Variants in SHC3 observed in about 807,000 individuals in gnomAD.
SHC3 encodes SHC adaptor protein 3.
Under a neutral mutation model 60.4 loss-of-function variants are expected in SHC3, and 15 were observed. The ratio of observed to expected loss-of-function variants is 0.25; its 90% confidence interval spans 0.17 to 0.38. The LOEUF (loss-of-function observed/expected upper bound fraction) is 0.38. Ranked by LOEUF, SHC3 falls within the 10% of genes least tolerant of loss-of-function variation. The pLI, the probability that SHC3 is intolerant of heterozygous loss-of-function variation, is 1.00. For missense variants in SHC3, 677 were observed against 786.1 expected (o/e 0.86, Z 1.66); for synonymous variants, 294 against 325.9 (o/e 0.90, Z 1.05).
At chr9:89,083,240 C>A (rs1010348303) in intron 2 of SHC3, among the ~76,000 whole-genome samples, 15 of 152,216 alleles carry the variant, frequency 9.9e-5, no homozygotes, top group African/African-American at 3.6e-4. Context: ...TGCAATTCTA[C>A]CTTTCAGAGG....
intron 2 of SHC3, among the ~76,000 whole-genome samples, chr9:89,100,492 TC>T (rs1199562624): frequency 6.6e-6 from 1 of 152,134 alleles, no homozygotes; most frequent in South Asian, 2.1e-4. Context: ...TGCCTCAGCC[TC>T]CCAAAGTGCT....
At chr9:89,164,673 G>GAAAA (rs34596179) in intron 1 of SHC3, among the ~76,000 whole-genome samples, 1 of 151,918 alleles carries the variant, frequency 6.6e-6, no homozygotes, top group Non-Finnish European at 1.5e-5. Context: ...CACATTTACA[G>GAAAA]AAAAAGGTGA....
At chr9:89,055,678 C>T (rs1298062408) in intron 6 of SHC3, among the ~76,000 whole-genome samples, 2 of 152,208 alleles carry the variant, frequency 1.3e-5, no homozygotes, top group Non-Finnish European at 2.9e-5. Context: ...ACAGAACTGT[C>T]ATGGGCTTCT....
chr9:89,078,386 C>T (rs866422505), intron 2 of SHC3, among the ~76,000 whole-genome samples: 1 of 152,268 alleles, frequency 6.6e-6, no homozygotes, highest in Middle Eastern at 3.4e-3. Context: ...GTTTTATTCC[C>T]AGTTTCTGCG....
At chr9:89,038,340 GA>G in intron 10 of SHC3, 52 bp from the exon 11 acceptor site, 2 of 880,546 alleles carry the variant, frequency 2.3e-6, no homozygotes, top group African/African-American at 2.7e-5. Flanking sequence ...AAGAGCAAAT[GA>G]TAAAAAAAAA....
chr9:89,042,723 A>C (rs1453481264), intron 9 of SHC3, among the ~76,000 whole-genome samples: 1 of 152,168 alleles, frequency 6.6e-6, no homozygotes, highest in East Asian at 1.9e-4. Context: ...GGGTCTGTGA[A>C]GGAAGCCCAG....
intron 4 of SHC3, among the ~76,000 whole-genome samples, chr9:89,073,544 T>C (rs1434106547): frequency 2.0e-5 from 3 of 152,100 alleles, no homozygotes; most frequent in Admixed American, 2.0e-4. Flanking sequence ...CCCTGTGTGC[T>C]TGCCCCCCAC....
intron 2 of SHC3, chr9:89,109,458 A>C (rs1825914733): frequency 1.0e-6 from 1 of 985,356 alleles, no homozygotes; most frequent in African/African-American, 1.7e-5. Context: ...GAGTGAAAGG[A>C]TTGTGTGGTG....
chr9:89,015,869 C>T (rs941582900), intron 11 of SHC3, among the ~76,000 whole-genome samples: 3 of 152,092 alleles, frequency 2.0e-5, no homozygotes, highest in African/African-American at 7.2e-5. Context: ...TCTAGTCAGG[C>T]TACAGAAGAG....
intron 2 of SHC3, chr9:89,109,960 T>G: frequency 1.0e-6 from 1 of 985,466 alleles, no homozygotes; most frequent in East Asian, 1.1e-4. Flanking sequence ...CATTTATACC[T>G]ATGCCTCATT....
chr9:89,125,293 T>C (rs1430842884), intron 1 of SHC3, among the ~76,000 whole-genome samples: 1 of 152,120 alleles, frequency 6.6e-6, no homozygotes, highest in Admixed American at 6.5e-5. Flanking sequence ...CTTTGTCTTA[T>C]CAGTGTTGTG....
chr9:89,082,788 C>T (rs1260959371), intron 2 of SHC3, among the ~76,000 whole-genome samples: 2 of 152,192 alleles, frequency 1.3e-5, no homozygotes, highest in African/African-American at 4.8e-5. Context: ...CGGTTGCCTC[C>T]CGCCCTCCTG....
At chr9:89,084,950 G>A (rs1027375232) in intron 2 of SHC3, among the ~76,000 whole-genome samples, 3 of 152,124 alleles carry the variant, frequency 2.0e-5, no homozygotes, top group Non-Finnish European at 4.4e-5. Context: ...AGAGACCCAC[G>A]GAACCCTGCA....
intron 2 of SHC3, among the ~76,000 whole-genome samples, chr9:89,108,282 G>A (rs1587731587): frequency 6.6e-6 from 1 of 152,046 alleles, no homozygotes; most frequent in Non-Finnish European, 1.5e-5. Context: ...GGAGGCTGAG[G>A]TGAATGGATC....
intron 5 of SHC3, among the ~76,000 whole-genome samples, chr9:89,070,094 A>G (rs1470862482): frequency 6.6e-6 from 1 of 152,246 alleles, no homozygotes; most frequent in African/African-American, 2.4e-5. Context: ...AATGCAAAAT[A>G]GCAATAATAA....
intron 1 of SHC3, among the ~76,000 whole-genome samples, chr9:89,155,028 C>G (rs1276838334): frequency 6.6e-6 from 1 of 152,194 alleles, no homozygotes; most frequent in Non-Finnish European, 1.5e-5. Context: ...GCTGGCTGCT[C>G]AGTCTTAGAA....
chr9:89,145,256 C>CA (rs1456959913), intron 1 of SHC3, among the ~76,000 whole-genome samples: 1 of 152,220 alleles, frequency 6.6e-6, no homozygotes, highest in African/African-American at 2.4e-5. Context: ...ATGCATACAT[C>CA]AGAGGACTGA....
intron 2 of SHC3, among the ~76,000 whole-genome samples, chr9:89,101,064 A>G (rs907335539): frequency 6.6e-6 from 1 of 152,312 alleles, no homozygotes; most frequent in East Asian, 1.9e-4. Context: ...ATATCTGTCC[A>G]TTTATTTAGC....
chr9:89,119,925 T>C (rs933213958), intron 1 of SHC3, among the ~76,000 whole-genome samples: 2 of 152,176 alleles, frequency 1.3e-5, no homozygotes, highest in African/African-American at 4.8e-5. Context: ...CACATGTCCA[T>C]GGGAACCATT....
Sources: allele counts gnomAD v4.1 joint callset (sites outside exome capture counted in the v4.1 genomes callset), GRCh38; gene constraint gnomAD v4.1.1; transcripts MANE v1.5; gene names NCBI Gene and HGNC (gene_info 2026-07-23, HGNC 2026-07-21).